Variants in CGGBP1 observed in about 807,000 individuals in gnomAD.
CGGBP1 encodes the protein CGG triplet repeat binding protein 1, also known as CGG triplet repeat-binding protein 1.
Under a neutral mutation model 11.4 loss-of-function variants are expected in CGGBP1, and 4 were observed. The observed-to-expected ratio is 0.35, with a 90% CI of 0.17 to 0.80. CGGBP1 has a LOEUF of 0.80. CGGBP1 is among the 30% of genes least tolerant of loss of function. The pLI, the probability that CGGBP1 is intolerant of heterozygous loss-of-function variation, is 0.52. For synonymous variants in CGGBP1, 76 were observed against 74.1 expected, an observed-to-expected ratio of 1.03 and a Z score of -0.13; for missense variants, 135 against 202.1, an observed-to-expected ratio of 0.67 and a Z score of 2.01.
At chr3:88,134,461 A>T (rs1161248442) in intron 2 of CGGBP1, among the ~76,000 whole-genome samples, 1 of 152,038 alleles carries the variant, frequency 6.6e-6, no homozygotes, top group Non-Finnish European at 1.5e-5. Flanking sequence ...TTGCCTAAAA[A>T]CCCACCGCTC....
intron 2 of CGGBP1, among the ~76,000 whole-genome samples, chr3:88,072,963 T>TAAA (rs1438494397): frequency 1.8e-5 from 1 of 57,082 alleles, no homozygotes; most frequent in Non-Finnish European, 5.3e-5. Flanking sequence ...ACTTGACTCT[T>TAAA]AAAAAAATTG....
At chr3:88,071,824 C>T (rs1453820164) in intron 2 of CGGBP1, among the ~76,000 whole-genome samples, 1 of 152,098 alleles carries the variant, frequency 6.6e-6, no homozygotes, top group Non-Finnish European at 1.5e-5. Context: ...ATCAAAAACA[C>T]TTCCGTATCA....
intron 2 of CGGBP1, among the ~76,000 whole-genome samples, chr3:88,086,570 TA>T (rs1422456209): frequency 1.3e-5 from 2 of 152,334 alleles, no homozygotes; most frequent in African/African-American, 4.8e-5. Context: ...CATGTAACCA[TA>T]ATTTTACTTT....
At chr3:88,129,321 T>TG (rs772189434) in intron 2 of CGGBP1, among the ~76,000 whole-genome samples, 3 of 76,948 alleles carry the variant, frequency 3.9e-5, no homozygotes, top group Admixed American at 1.6e-4. Context: ...TTGCCAGGAG[T>TG]AAAAAAAAAA....
chr3:88,059,451 C>T, upstream of CGGBP1: 1 of 1,523,736 alleles, frequency 6.6e-7, no homozygotes, highest in Non-Finnish European at 8.8e-7. Flanking sequence ...GCAGCGGCAA[C>T]TGCGGCGGCG....
In CGGBP1 at chr3:88,089,191, TAA is replaced by T. The variant is rs11328694; in HGVS notation, c.-228-30970_-228-30969del. On this transcript the variant is annotated intron_variant, in intron 2 of 3. Transcript: ENST00000462901. ...GCAAGTCTTACTCAAGCTTACGTAT[TAA>T]AAAAAAAAAAAAAAAAGCCCGGGTG... 2.7e-3 allele frequency among the ~76,000 whole-genome samples: 352 copies of T among 131,182 alleles called. 1 individual carries two copies. The highest frequency in any genetic ancestry group is 4.0e-3 in the Middle Eastern group (1 of 248). The allele number at this position is 131,182 out of a possible 152,430, so 86.1% of individuals were successfully genotyped here.
chr3:88,065,972 G>A (rs1707174999), intron 2 of CGGBP1, among the ~76,000 whole-genome samples: 1 of 152,090 alleles, frequency 6.6e-6, no homozygotes, highest in African/African-American at 2.4e-5. Flanking sequence ...GAGGTCAAGC[G>A]AGTCACCCAC....
Position 88,140,099 on chromosome 3 carries a change from C to T in CGGBP1, c.-229+871G>A, listed in dbSNP as rs149624216. 5.6e-4 allele frequency: 908 copies of T among 1,613,848 alleles called. 13 individuals are homozygous for T. The African/African-American group carries it at 0.011, about 19-fold the overall frequency. Reference sequence around the variant, plus strand: ...TTATAGACCACCTTAATAGACATAGCTATCCAAATGTGTATTTTTGTTTGC... The same window carrying T: ...TTATAGACCACCTTAATAGACATAGTTATCCAAATGTGTATTTTTGTTTGC... On this transcript the variant is annotated intron_variant, in intron 2 of 3. Coordinates refer to the CGGBP1 transcript ENST00000462901.
chr3:88,085,776 T>A (rs905246245), intron 2 of CGGBP1, among the ~76,000 whole-genome samples: 1 of 152,194 alleles, frequency 6.6e-6, no homozygotes, highest in Non-Finnish European at 1.5e-5. Context: ...CCATAGTATG[T>A]ACAGGTTAAA....
intron 2 of CGGBP1, chr3:88,139,451 T>C (rs770621318): frequency 1.9e-6 from 3 of 1,613,808 alleles, no homozygotes; most frequent in East Asian, 4.5e-5. Flanking sequence ...TGAAGAATCA[T>C]GTTAAGAAGA....
At chr3:88,106,820 A>G (rs1425319807) in intron 2 of CGGBP1, among the ~76,000 whole-genome samples, 4 of 151,628 alleles carry the variant, frequency 2.6e-5, no homozygotes, top group Non-Finnish European at 4.4e-5. Flanking sequence ...TTTTTTTCTG[A>G]TATTTGTCCT....
intron 2 of CGGBP1, 194 bp downstream of exon 2, chr3:88,057,825 G>A (rs1046385077): frequency 2.6e-5 from 4 of 152,204 alleles, no homozygotes; most frequent in African/African-American, 9.7e-5. Flanking sequence ...TGTTACTGCA[G>A]AGGCAAATTT....
chr3:88,059,265 T>A, upstream of CGGBP1: 6 of 1,531,802 alleles, frequency 3.9e-6, no homozygotes, highest in Non-Finnish European at 5.2e-6. Context: ...AGCCTAGGCA[T>A]CTACGGCGGC....
intron 1 of CGGBP1, among the ~76,000 whole-genome samples, chr3:88,148,170 C>T (rs1707343083): frequency 6.6e-6 from 1 of 152,170 alleles, no homozygotes; most frequent in Non-Finnish European, 1.5e-5. Context: ...TACTAACATC[C>T]TCTCCCATCC....
rs1264081100 is a variant in CGGBP1, at chr3:88,053,064, A to T, written c.*2409T>A. ...AAAAAGCTGCTATTTTTCCAATAGT[A>T]TAGCATCACACTAACACTATATAGT... On this transcript the variant is annotated 3_prime_UTR_variant, in exon 4 of 4. Transcript: ENST00000482016. 1 of 152,604 alleles carries T rather than the reference A, an allele frequency of 6.6e-6. No individual in the cohort carries two copies. Among genetic ancestry groups the T allele is most frequent in the African/African-American group, 2.4e-5 (1 of 41,460 alleles). The allele number at this position is 152,604 out of a possible 1,614,324, so 9.5% of individuals were successfully genotyped here.
exon 2 of CGGBP1, chr3:88,141,078 T>G (rs1707096780): frequency 6.5e-7 from 1 of 1,541,598 alleles, no homozygotes; most frequent in South Asian, 1.3e-5. Flanking sequence ...AGTAGAGGTA[T>G]CTGTAGAAAG....
At chr3:88,092,674 A>C (rs188791721) in intron 2 of CGGBP1, among the ~76,000 whole-genome samples, 37 of 152,314 alleles carry the variant, frequency 2.4e-4, no homozygotes, top group African/African-American at 8.4e-4. Flanking sequence ...TTGACATATG[A>C]AGTTTATTAA....
At chr3:88,088,247 A>G (rs766439044) in intron 2 of CGGBP1, among the ~76,000 whole-genome samples, 6 of 152,214 alleles carry the variant, frequency 3.9e-5, no homozygotes, top group Non-Finnish European at 7.3e-5. Flanking sequence ...TAGGGCTCCC[A>G]ATTATTTACA....
At chr3:88,113,799 G>T (rs1705233510) in intron 2 of CGGBP1, among the ~76,000 whole-genome samples, 1 of 111,080 alleles carries the variant, frequency 9.0e-6, no homozygotes, top group South Asian at 4.1e-4. Flanking sequence ...CACCCATTTA[G>T]AACTGAAATA....
Sources: allele counts gnomAD v4.1 joint callset (sites outside exome capture counted in the v4.1 genomes callset), GRCh38; gene constraint gnomAD v4.1.1; transcripts MANE v1.5; gene names NCBI Gene and HGNC (gene_info 2026-07-23, HGNC 2026-07-21).